The following SUPT3H variants were observed in gnomAD, a reference collection of about 807,000 sequenced individuals.
The protein encoded by SUPT3H is transcription initiation protein SPT3 homolog.
SUPT3H carries 44 observed loss-of-function variants against 44.3 expected under a neutral mutation model. That is an observed-to-expected ratio of 0.99 (90% CI 0.78 to 1.28). The LOEUF (loss-of-function observed/expected upper bound fraction) is 1.28. Ranked by LOEUF, SUPT3H falls within the 50% of genes most tolerant of loss-of-function variation. The pLI, the probability that SUPT3H is intolerant of heterozygous loss-of-function variation, is 0.00. For missense variants in SUPT3H, 380 were observed against 387.1 expected, an observed-to-expected ratio of 0.98 and a Z score of 0.15; for synonymous variants, 124 against 125.6, an observed-to-expected ratio of 0.99 and a Z score of 0.09.
intron 6 of SUPT3H, among the ~76,000 whole-genome samples, chr6:44,963,848 T>C (rs908224152): frequency 6.6e-6 from 1 of 151,450 alleles, no homozygotes; most frequent in Middle Eastern, 3.4e-3. Flanking sequence ...AAATATAAAA[T>C]ATTAGCCGGG....
intron 10 of SUPT3H, among the ~76,000 whole-genome samples, chr6:44,879,438 A>G (rs1168705247): frequency 6.6e-6 from 1 of 152,218 alleles, no homozygotes; most frequent in Non-Finnish European, 1.5e-5. Flanking sequence ...AGGGGCTTAC[A>G]GATAAAGCTC....
At chr6:45,177,201 A>T (rs1437879123) in intron 2 of SUPT3H, among the ~76,000 whole-genome samples, 2 of 152,178 alleles carry the variant, frequency 1.3e-5, no homozygotes, top group East Asian at 3.8e-4. Context: ...TAACTAGAAT[A>T]ACCAATACAG....
intron 5 of SUPT3H, 142 bp from the exon 6 acceptor site, chr6:45,003,934 CA>C: frequency 1.1e-6 from 1 of 937,910 alleles, no homozygotes; most frequent in Non-Finnish European, 1.5e-6. Context: ...TTCTTGCATT[CA>C]AAATAAAAGT....
intron 2 of SUPT3H, among the ~76,000 whole-genome samples, chr6:45,255,995 C>G (rs906477034): frequency 2.0e-5 from 3 of 152,006 alleles, no homozygotes; most frequent in African/African-American, 4.8e-5. Flanking sequence ...CACGGTGAAA[C>G]CCCGTCTCTA....
chr6:45,138,521 A>G (rs1032671317), intron 2 of SUPT3H, among the ~76,000 whole-genome samples: 5 of 152,204 alleles, frequency 3.3e-5, no homozygotes, highest in African/African-American at 1.2e-4. Flanking sequence ...ATTTTTTAGC[A>G]GCAAAACTCA....
At chr6:45,035,713 GTAAA>G (rs1023632146) in intron 3 of SUPT3H, among the ~76,000 whole-genome samples, 67 of 152,162 alleles carry the variant, frequency 4.4e-4, no homozygotes, top group African/African-American at 1.5e-3. Flanking sequence ...CCTGATAAAG[GTAAA>G]TAGTTATTAC....
intron 10 of SUPT3H, among the ~76,000 whole-genome samples, chr6:44,928,882 C>CAAAAAAAAAAAAAAAAAAAA (rs35656937): frequency 2.4e-4 from 5 of 20,622 alleles, no homozygotes; most frequent in African/African-American, 3.1e-4. Context: ...GACTCCGTCT[C>CAAAAAAAAAAAAAAAAAAAA]AAAAAAAAAA....
At chr6:45,099,365 AAT>A (rs1020330605) in intron 3 of SUPT3H, 5 of 152,026 alleles carry the variant, frequency 3.3e-5, no homozygotes, top group Non-Finnish European at 5.9e-5. Flanking sequence ...AAAAAAAAAA[AAT>A]CATACTGTAA....
chr6:45,152,398 C>G (rs1265337978), intron 2 of SUPT3H, among the ~76,000 whole-genome samples: 3 of 152,182 alleles, frequency 2.0e-5, no homozygotes. Flanking sequence ...GCTATCATCT[C>G]TAGCCTGGGC....
At chr6:44,869,007 T>A (rs540516143) in intron 10 of SUPT3H, among the ~76,000 whole-genome samples, 3 of 152,222 alleles carry the variant, frequency 2.0e-5, no homozygotes, top group Non-Finnish European at 2.9e-5. Context: ...ATGTCACTGA[T>A]GTTTCTGTTT....
rs1472068135 is a variant in SUPT3H, at chr6:45,321,852, T to C, written c.101+43349A>G. 1.9e-6 allele frequency: 3 copies of C among 1,599,378 alleles called. No homozygotes were observed. In the Admixed American group the frequency reaches 5.1e-5, roughly 27 times the overall value. ...TGTGATAACAATAGGGAAAAACTGA[T>C]TTTCCAATTATTTCTATAGAATCTG... On this transcript the variant is annotated intron_variant, in intron 2 of 10. Transcript: ENST00000371459.
chr6:45,297,539 G>C lies in SUPT3H; in HGVS notation c.101+67662C>G, dbSNP rs1025570545. ...AGTTCCAAGACAGGTTGGCAGAAAT[G>C]CAAGTTTAGAAGGATTACTATAAAT... On this transcript the variant is annotated intron_variant, in intron 2 of 10. Coordinates refer to ENST00000371459, the MANE Select transcript of SUPT3H (RefSeq NM_003599.4). Among the ~76,000 whole-genome samples the C allele has an allele frequency of 3.9e-5, 6 of 152,172 alleles. No homozygotes were observed. In the East Asian group the frequency reaches 1.2e-3, roughly 29 times the overall value.
intron 10 of SUPT3H, among the ~76,000 whole-genome samples, chr6:44,921,113 C>A (rs1265765963): frequency 6.6e-6 from 1 of 152,168 alleles, no homozygotes; most frequent in African/African-American, 2.4e-5. Context: ...CTCCATACAC[C>A]ATACCTCCCT....
At chr6:45,003,938 A>G in intron 5 of SUPT3H, 146 bp from the exon 6 acceptor site, 1 of 872,196 alleles carries the variant, frequency 1.1e-6, no homozygotes, top group South Asian at 1.8e-5. Flanking sequence ...TGCATTCAAA[A>G]TAAAAGTATA....
intron 10 of SUPT3H, among the ~76,000 whole-genome samples, chr6:44,833,626 C>T (rs987386308): frequency 2.6e-5 from 4 of 152,248 alleles, no homozygotes; most frequent in Admixed American, 2.6e-4. Context: ...TGCTGAGATA[C>T]ATGGTTTTAT....
chr6:45,043,063 C>A (rs560197329), intron 3 of SUPT3H, among the ~76,000 whole-genome samples: 15 of 151,442 alleles, frequency 9.9e-5, no homozygotes, highest in African/African-American at 3.4e-4. Context: ...AAAAAAGAAT[C>A]TTTTCTGTTT....
chr6:44,893,652 T>C (rs1763667160), intron 10 of SUPT3H, among the ~76,000 whole-genome samples: 1 of 151,618 alleles, frequency 6.6e-6, no homozygotes, highest in Admixed American at 6.6e-5. Flanking sequence ...TCCAAGTCTT[T>C]GCTATTGTGA....
intron 6 of SUPT3H, among the ~76,000 whole-genome samples, chr6:44,969,682 C>T (rs1777290685): frequency 6.6e-6 from 1 of 152,152 alleles, no homozygotes. Flanking sequence ...AGAATCCTGA[C>T]TGATGAAGTA....
At chr6:45,263,169 T>C (rs1414462659) in intron 2 of SUPT3H, among the ~76,000 whole-genome samples, 2 of 152,000 alleles carry the variant, frequency 1.3e-5, no homozygotes, top group Admixed American at 6.6e-5. Flanking sequence ...TTCCACCAGA[T>C]AGACACTGGC....
Sources: gnomAD v4.1 joint callset for allele counts (sites outside exome capture counted in the v4.1 genomes callset) on GRCh38, gnomAD v4.1.1 for gene constraint, MANE v1.5 for transcripts, NCBI Gene and HGNC (gene_info 2026-07-23, HGNC 2026-07-21) for gene names.